The following MECOM variants were observed in gnomAD, a reference collection of about 807,000 sequenced individuals.
MECOM encodes MDS1 and EVI1 complex locus, also known as histone-lysine N-methyltransferase MECOM.
A neutral mutation model predicts 116.3 loss-of-function variants in MECOM; 13 were observed. The ratio of observed to expected loss-of-function variants is 0.11; its 90% CI spans 0.07 to 0.18. The LOEUF (loss-of-function observed/expected upper bound fraction) is 0.18. Ranked by LOEUF, MECOM falls within the 10% of genes least tolerant of loss-of-function variation. The pLI, the probability that MECOM is intolerant of heterozygous loss-of-function variation, is 1.00. For synonymous variants in MECOM, 528 were observed against 535.2 expected (o/e 0.99, Z 0.19); for missense variants, 1,299 against 1,509.0 (o/e 0.86, Z 2.31).
intron 2 of MECOM, among the ~76,000 whole-genome samples, chr3:169,168,270 A>T (rs906484824): frequency 6.7e-6 from 1 of 148,346 alleles, no homozygotes; most frequent in African/African-American, 2.5e-5. Flanking sequence ...GCTGGACTCA[A>T]GTGATCCCCT....
At chr3:169,489,326 C>T (rs997690045) in intron 1 of MECOM, among the ~76,000 whole-genome samples, 1 of 151,944 alleles carries the variant, frequency 6.6e-6, no homozygotes, top group Non-Finnish European at 1.5e-5. Flanking sequence ...TTCTAGAGAA[C>T]ATATAGAGAA....
In MECOM at chr3:169,545,675, T is replaced by C. The variant is rs1021009860; in HGVS notation, c.37+117661A>G. Among the ~76,000 whole-genome samples, 6 of 152,194 alleles carry C rather than the reference T, an allele frequency of 3.9e-5. No homozygotes were observed. The East Asian group carries it at 1.2e-3, about 29-fold the overall frequency. On this transcript the variant is annotated intron_variant, in intron 1 of 16. Coordinates refer to ENST00000651503, the MANE Select transcript of MECOM (RefSeq NM_004991.4). ...AAAGATCACAATAAGAAGACATCTC[T>C]GTCCTGGTCCAGTCCTGCATCTGAC...
chr3:169,091,602 C>T (rs544500809), intron 14 of MECOM, among the ~76,000 whole-genome samples: 6 of 152,040 alleles, frequency 3.9e-5, no homozygotes, highest in African/African-American at 1.4e-4. Flanking sequence ...CATCTGCTTC[C>T]TCTCTCCCTT....
intron 2 of MECOM, among the ~76,000 whole-genome samples, chr3:169,220,037 G>A (rs1373544217): frequency 1.3e-5 from 2 of 151,334 alleles, no homozygotes; most frequent in East Asian, 3.9e-4. Context: ...TATATAGTTA[G>A]AAAATAAGAC....
intron 2 of MECOM, among the ~76,000 whole-genome samples, chr3:169,309,141 C>G (rs1179309726): frequency 6.6e-6 from 1 of 151,918 alleles, no homozygotes; most frequent in African/African-American, 2.4e-5. Context: ...AAACCGGACT[C>G]TATAAACATG....
At chr3:169,402,845 CT>C (rs1231395083) in intron 1 of MECOM, among the ~76,000 whole-genome samples, 1 of 152,148 alleles carries the variant, frequency 6.6e-6, no homozygotes, top group Non-Finnish European at 1.5e-5. Context: ...CAGGTACTGC[CT>C]TCACAAAGTG....
chr3:169,465,929 T>C (rs962251918), intron 1 of MECOM, among the ~76,000 whole-genome samples: 1 of 152,218 alleles, frequency 6.6e-6, no homozygotes, highest in Non-Finnish European at 1.5e-5. Flanking sequence ...GATCCTTTTC[T>C]AACAAGAGTT....
chr3:169,248,571 G>A (rs908074669), intron 2 of MECOM, among the ~76,000 whole-genome samples: 5 of 152,014 alleles, frequency 3.3e-5, no homozygotes, highest in African/African-American at 9.7e-5. Context: ...TATTCTTTGG[G>A]TACTGTTATG....
At chr3:169,200,730 C>T (rs969917584) in intron 2 of MECOM, among the ~76,000 whole-genome samples, 1 of 152,042 alleles carries the variant, frequency 6.6e-6, no homozygotes, top group African/African-American at 2.4e-5. Flanking sequence ...GTAAGGTCTT[C>T]CCCAGACAGC....
chr3:169,654,741 A>G (rs1041367980), intron 1 of MECOM, among the ~76,000 whole-genome samples: 1 of 152,136 alleles, frequency 6.6e-6, no homozygotes, highest in Non-Finnish European at 1.5e-5. Flanking sequence ...GACACAACAT[A>G]GTTGTAAAAG....
intron 2 of MECOM, among the ~76,000 whole-genome samples, chr3:169,176,494 G>A (rs571925482): frequency 6.6e-6 from 1 of 152,130 alleles, no homozygotes; most frequent in South Asian, 2.1e-4. Flanking sequence ...TTAAATGTAA[G>A]ACCCAAAACC....
chr3:169,311,438 CCTAT>C (rs1232381201), intron 2 of MECOM, among the ~76,000 whole-genome samples: 2 of 152,122 alleles, frequency 1.3e-5, no homozygotes, highest in African/African-American at 4.8e-5. Context: ...GAATGATATA[CCTAT>C]CTAAGCAAAA....
intron 1 of MECOM, among the ~76,000 whole-genome samples, chr3:169,417,261 G>GA (rs1484623130): frequency 6.7e-6 from 1 of 148,624 alleles, no homozygotes; most frequent in Non-Finnish European, 1.5e-5. Flanking sequence ...AAATTTACAA[G>GA]AAAAAAACAA....
chr3:169,472,633 A>AAAAGAAAAGAAAAGG (rs1749680508), intron 1 of MECOM, among the ~76,000 whole-genome samples: 5 of 60,336 alleles, frequency 8.3e-5, no homozygotes, highest in Admixed American at 3.7e-4. Context: ...AAAAGAAAAG[A>AAAAGAAAAGAAAAGG]AAAGGAAAGG....
At chr3:169,350,574 G>T (rs1040977974) in intron 2 of MECOM, among the ~76,000 whole-genome samples, 1 of 151,922 alleles carries the variant, frequency 6.6e-6, no homozygotes, top group Non-Finnish European at 1.5e-5. Flanking sequence ...ATACATACCA[G>T]ATTTCAAAGA....
chr3:169,131,009 T>G (rs1047278883), intron 4 of MECOM, among the ~76,000 whole-genome samples: 1 of 152,166 alleles, frequency 6.6e-6, no homozygotes, highest in African/African-American at 2.4e-5. Flanking sequence ...ATGGTCATAT[T>G]GGCTAAGATT....
intron 1 of MECOM, among the ~76,000 whole-genome samples, chr3:169,386,727 A>G (rs1056421916): frequency 7.2e-5 from 11 of 152,148 alleles, no homozygotes; most frequent in African/African-American, 2.4e-4. Context: ...ATTGTCATCC[A>G]TTTCAATTTC....
intron 1 of MECOM, among the ~76,000 whole-genome samples, chr3:169,651,518 A>G (rs188254910): frequency 1.3e-5 from 2 of 152,312 alleles, no homozygotes; most frequent in East Asian, 3.9e-4. Context: ...ATTGGAGACT[A>G]TTATTCTAAG....
intron 1 of MECOM, among the ~76,000 whole-genome samples, chr3:169,651,744 T>C (rs1774942234): frequency 6.6e-6 from 1 of 151,926 alleles, no homozygotes; most frequent in Non-Finnish European, 1.5e-5. Context: ...AATTTACTCA[T>C]GTAACCAAAT....
Sources: gnomAD v4.1 joint callset for allele counts (sites outside exome capture counted in the v4.1 genomes callset) on GRCh38, gnomAD v4.1.1 for gene constraint, MANE v1.5 for transcripts, NCBI Gene and HGNC (gene_info 2026-07-23, HGNC 2026-07-21) for gene names.